RPH3AL: variants seen among roughly 807,000 people sequenced by gnomAD.
RPH3AL encodes rab effector Noc2.
In RPH3AL, 38 loss-of-function variants were observed where a neutral mutation model predicts 43.1. That is an observed-to-expected ratio of 0.88 (90% CI 0.68 to 1.15). RPH3AL has a LOEUF of 1.15. RPH3AL is among the 50% of genes most tolerant of loss of function. The pLI is 0.00. For missense variants in RPH3AL, 462 were observed against 423.2 expected, an observed-to-expected ratio of 1.09 and a Z score of -0.81; for synonymous variants, 189 against 176.3, an observed-to-expected ratio of 1.07 and a Z score of -0.57.
chr17:214,582 A>C (rs1438324082), intron 9 of RPH3AL: 1 of 152,484 alleles, frequency 6.6e-6, no homozygotes, highest in Non-Finnish European at 1.5e-5. Flanking sequence ...CCTGGGCAAC[A>C]TAGGGAGACC....
chr17:215,156 T>A lies in RPH3AL; in HGVS notation c.876+498A>T, dbSNP rs1422433313. 6.6e-6 allele frequency among the ~76,000 whole-genome samples: 1 copy of A among 152,164 alleles called. No individual in the cohort carries two copies. Among genetic ancestry groups the A allele is most frequent in the Non-Finnish European group, 1.5e-5 (1 of 68,026 alleles). ...TCTTTCTTGAAGGAGACAGGGCTGA[T>A]CCTGCACCTGCGCAGTTTTCTCTGG... On this transcript the variant is annotated intron_variant, in intron 9 of 9. Coordinates refer to ENST00000331302, the MANE Select transcript of RPH3AL (RefSeq NM_006987.4). The surrounding 1 kb of genome is among the most constrained non-coding windows in gnomAD (Gnocchi z 4.1).
intron 5 of RPH3AL, among the ~76,000 whole-genome samples, chr17:312,834 G>C (rs1015210906): frequency 2.0e-5 from 3 of 152,236 alleles, no homozygotes; most frequent in African/African-American, 4.8e-5. Flanking sequence ...ACCCAAGTCT[G>C]TCTGGTCCTG....
chr17:273,601 G>A (rs375547073), intron 6 of RPH3AL, among the ~76,000 whole-genome samples: 1 of 100,926 alleles, frequency 9.9e-6, no homozygotes. Flanking sequence ...CGGCGAGGGC[G>A]ACGTCAGGAA....
chr17:282,423 G>C (rs2042803706), intron 5 of RPH3AL, among the ~76,000 whole-genome samples: 1 of 152,168 alleles, frequency 6.6e-6, no homozygotes, highest in Admixed American at 6.5e-5. Context: ...GATATGCTCA[G>C]GTTCACATGG....
intron 5 of RPH3AL, among the ~76,000 whole-genome samples, chr17:316,750 C>G (rs376212834): frequency 1.7e-5 from 1 of 60,124 alleles, no homozygotes; most frequent in Non-Finnish European, 3.5e-5. Flanking sequence ...GTCCATGTGC[C>G]CCACCTCCAT....
At chr17:235,041 C>T (rs1372825951) in intron 7 of RPH3AL, among the ~76,000 whole-genome samples, 1 of 152,202 alleles carries the variant, frequency 6.6e-6, no homozygotes, top group Non-Finnish European at 1.5e-5. Context: ...AAACGGCAGC[C>T]ACAGGGCTGC....
chr17:221,668 C>T (rs2040980335), intron 7 of RPH3AL, among the ~76,000 whole-genome samples: 1 of 145,956 alleles, frequency 6.9e-6, no homozygotes, highest in Admixed American at 6.7e-5. Context: ...GACCCAAGTG[C>T]ATCAGCTCTG....
At chr17:340,491 TCCCCACGTCCACACTCACTGCCCCCCACC>T (rs1567538104) in intron 1 of RPH3AL, among the ~76,000 whole-genome samples, 1,289 of 6,916 alleles carry the variant, frequency 0.19, 507 homozygotes, top group South Asian at 0.28. Flanking sequence ...CACCCAGGCC[TCCCCACGTCCACACTCACTGCCCCCCACC>T]CAGGCCTCCC....
intron 1 of RPH3AL, among the ~76,000 whole-genome samples, chr17:351,296 C>T (rs540895370): frequency 2.6e-5 from 4 of 152,124 alleles, no homozygotes; most frequent in Non-Finnish European, 5.9e-5. Context: ...TACACATAAA[C>T]GAGACTCTTC....
At chr17:244,231 T>TTCCTCTATTGATTACCC (rs1555538708) in intron 7 of RPH3AL, among the ~76,000 whole-genome samples, 1 of 149,976 alleles carries the variant, frequency 6.7e-6, no homozygotes, top group South Asian at 2.1e-4. Context: ...TTGATTACCC[T>TTCCTCTATTGATTACCC]TCCTCTATTG....
At chr17:236,464 C>T (rs1202433085) in intron 7 of RPH3AL, among the ~76,000 whole-genome samples, 3 of 151,336 alleles carry the variant, frequency 2.0e-5, no homozygotes, top group South Asian at 2.1e-4. Context: ...CCACGCCATC[C>T]GTTATGTTTG....
Position 313,884 on chromosome 17 carries a change from C to A in RPH3AL, c.351+5536G>T, listed in dbSNP as rs565511795. Among the ~76,000 whole-genome samples, 5 of 152,302 alleles carry A rather than the reference C, an allele frequency of 3.3e-5. No homozygotes were observed. The South Asian group carries it at 1.0e-3, about 32-fold the overall frequency. ...ACCATCCAGCTGTGCTCCCCTAATA[C>A]ACTCCCCTCCCACCTCAATCCTGGA... On this transcript the variant is annotated intron_variant, in intron 5 of 9. Coordinates refer to ENST00000331302, the MANE Select transcript of RPH3AL (RefSeq NM_006987.4).
intron 6 of RPH3AL, among the ~76,000 whole-genome samples, chr17:268,724 G>A (rs1469611294): frequency 6.6e-6 from 1 of 151,090 alleles, no homozygotes; most frequent in Non-Finnish European, 1.5e-5. Flanking sequence ...CACTACACCA[G>A]GCTAATTTTT....
Position 327,332 on chromosome 17 carries a change from G to A in RPH3AL, c.77+135C>T, listed in dbSNP as rs1235689193. The A allele has an allele frequency of 4.0e-5, 30 of 745,824 alleles. No individual in the cohort carries two copies. The South Asian group carries it at 4.1e-4, about 10-fold the overall frequency. The allele number at this position is 745,824 out of a possible 1,614,324, so 46.2% of individuals were successfully genotyped here. A position where few individuals can be genotyped will look rare whatever the true frequency, so the allele number is the denominator to read the frequency against. ...TGAATGGCTGTGTCCAGGGCCTGGA[G>A]TGTGGCATGCATCCGACAGGCACCT... On this transcript the variant is annotated intron_variant, in intron 3 of 9. Coordinates refer to ENST00000331302, the MANE Select transcript of RPH3AL (RefSeq NM_006987.4).
intron 6 of RPH3AL, among the ~76,000 whole-genome samples, chr17:256,992 C>T (rs376759317): frequency 1.6e-3 from 2 of 1,242 alleles, no homozygotes. Context: ...TGAGGGGAGC[C>T]GCACGGCGTC....
intron 6 of RPH3AL, among the ~76,000 whole-genome samples, chr17:268,347 A>G (rs1158535103): frequency 6.6e-6 from 1 of 152,054 alleles, no homozygotes; most frequent in East Asian, 1.9e-4. Flanking sequence ...AAGAGTAAAT[A>G]TATTCTCTCT....
rs71372185 is a variant in RPH3AL at position 242,351 on chromosome 17, C to A, written c.613+4760G>T. Among the ~76,000 whole-genome samples, 6 of 34,796 alleles carry A rather than the reference C, an allele frequency of 1.7e-4. No individual in the cohort carries two copies. The East Asian group carries it at 3.7e-3, about 22-fold the overall frequency. The allele number at this position is 34,796 out of a possible 152,430, so 22.8% of individuals were successfully genotyped here. A position where few individuals can be genotyped will look rare whatever the true frequency, so the allele number is the denominator to read the frequency against. ...TCTATTGACTACCTTCCTCTATTGACTACCTTCCTCTATTGACTACCTTCC... is the reference window on the plus strand; with the variant it reads ...TCTATTGACTACCTTCCTCTATTGAATACCTTCCTCTATTGACTACCTTCC... On this transcript the variant is annotated intron_variant, in intron 7 of 9. Coordinates refer to ENST00000331302, the MANE Select transcript of RPH3AL (RefSeq NM_006987.4).
intron 5 of RPH3AL, among the ~76,000 whole-genome samples, chr17:314,023 G>A (rs1049766452): frequency 6.6e-6 from 1 of 152,156 alleles, no homozygotes; most frequent in Non-Finnish European, 1.5e-5. Flanking sequence ...GAAACGCCCG[G>A]ACCAGCCCAC....
chr17:272,762 TCACA>T lies in RPH3AL; in HGVS notation c.438+9002_438+9005del, dbSNP rs71143491. Reference sequence around the variant, plus strand: ...CCTAGAACTTAAAGTATTATTTAAGTCACACACACACACACACACACACACACCA... The same window carrying T: ...CCTAGAACTTAAAGTATTATTTAAGTCACACACACACACACACACACACCA... On this transcript the variant is annotated intron_variant, in intron 6 of 9. Coordinates refer to ENST00000331302, the MANE Select transcript of RPH3AL (RefSeq NM_006987.4). Among the ~76,000 whole-genome samples, 1,378 of 145,840 alleles carry T rather than the reference TCACA, an allele frequency of 9.4e-3. 22 individuals are homozygous for T. Among genetic ancestry groups the T allele is most frequent in the African/African-American group, 0.033 (1,314 of 39,558 alleles).
Sources: allele counts gnomAD v4.1 joint callset (sites outside exome capture counted in the v4.1 genomes callset), GRCh38; gene constraint gnomAD v4.1.1; non-coding constraint Gnocchi (gnomAD v3.1); transcripts MANE v1.5; gene names NCBI Gene and HGNC (gene_info 2026-07-23, HGNC 2026-07-21).